SNTG1: variants seen among roughly 807,000 people sequenced by gnomAD.
SNTG1 encodes the protein gamma-1-syntrophin.
A neutral mutation model predicts 74.7 loss-of-function variants in SNTG1; 39 were observed. That is an observed-to-expected ratio of 0.52 (90% CI 0.40 to 0.68). The LOEUF (loss-of-function observed/expected upper bound fraction) is 0.68. Among genes scored for constraint, SNTG1 ranks in the 30% least tolerant of loss-of-function variants. SNTG1 has a pLI of 0.00. For missense variants in SNTG1, 685 were observed against 609.5 expected (o/e 1.12, Z -1.30); for synonymous variants, 254 against 217.1 (o/e 1.17, Z -1.49).
chr8:50,218,569 A>G (rs993879846), intron 2 of SNTG1, among the ~76,000 whole-genome samples: 6 of 151,932 alleles, frequency 3.9e-5, no homozygotes, highest in African/African-American at 7.3e-5. Flanking sequence ...TTTTTTCAGT[A>G]TAGTGAATGG....
rs1009613529 is a variant in SNTG1, at chr8:50,710,332, G to GT, written c.1284+1362dup. 2.4e-4 allele frequency among the ~76,000 whole-genome samples: 37 copies of GT among 151,814 alleles called. 1 individual carries two copies. The highest frequency in any genetic ancestry group is 7.0e-4 in the African/African-American group (29 of 41,416). ...GCCATAAACTATTCCTATTACTAAA[G>GT]TTTTTTTTATTAAAATGTTCATCAA... On this transcript the variant is annotated intron_variant, in intron 17 of 18. Coordinates refer to ENST00000642720, the MANE Select transcript of SNTG1 (RefSeq NM_018967.5).
chr8:50,009,354 C>T lies in SNTG1; in HGVS notation c.-103+97123C>T, dbSNP rs528719704. Among the ~76,000 whole-genome samples, 22 of 152,118 alleles carry T rather than the reference C, an allele frequency of 1.4e-4. 2 individuals are homozygous for T. Among genetic ancestry groups the T allele is most frequent in the African/African-American group, 4.3e-4 (18 of 41,504 alleles). On this transcript the variant is annotated intron_variant, in intron 1 of 18. Coordinates refer to ENST00000642720, the MANE Select transcript of SNTG1 (RefSeq NM_018967.5). ...GATTGTTATATAAGTACTACTCTTA[C>T]GGGAATTATTTGGGTAGACTGGACT...
intron 2 of SNTG1, among the ~76,000 whole-genome samples, chr8:50,214,138 C>T (rs1377779730): frequency 1.3e-5 from 2 of 150,934 alleles, no homozygotes; most frequent in African/African-American, 2.4e-5. Context: ...AATCATCATT[C>T]TCAGTAAACT....
chr8:50,457,201 T>C (rs568550473), intron 8 of SNTG1: 1 of 152,288 alleles, frequency 6.6e-6, no homozygotes, highest in East Asian at 1.9e-4. Flanking sequence ...TAGGTCTTTT[T>C]CAGGTAAAAT....
At chr8:50,749,213 A>G (rs954817890) in intron 17 of SNTG1, among the ~76,000 whole-genome samples, 2 of 151,534 alleles carry the variant, frequency 1.3e-5, no homozygotes, top group East Asian at 3.9e-4. Flanking sequence ...GATAGATCAA[A>G]CCAGCCACAA....
rs531528274 is a variant in SNTG1, at chr8:50,431,488, G to A, written c.163-7055G>A. ...GCTATTTATACTTATTGGTGATAAT[G>A]GATACAGGTAGTATAAATATCTGCA... On this transcript the variant is annotated intron_variant, in intron 4 of 18. Transcript: ENST00000642720. Among the ~76,000 whole-genome samples the A allele has an allele frequency of 2.5e-4, 38 of 152,238 alleles. 1 individual carries two copies. The East Asian group carries it at 3.3e-3, about 13-fold the overall frequency.
intron 13 of SNTG1, among the ~76,000 whole-genome samples, chr8:50,625,728 A>T (rs2094952217): frequency 6.6e-6 from 1 of 152,182 alleles, no homozygotes; most frequent in African/African-American, 2.4e-5. Flanking sequence ...TTGCTTTTAA[A>T]CTCCAATTCA....
At chr8:50,094,182 A>C (rs550082127) in intron 1 of SNTG1, among the ~76,000 whole-genome samples, 42 of 152,236 alleles carry the variant, frequency 2.8e-4, no homozygotes, top group African/African-American at 9.1e-4. Flanking sequence ...CAACACTTCA[A>C]GAGTGAACAG....
At chr8:50,203,748 ATGTGTGTGTGTGTTTC>A (rs1554604315) in intron 2 of SNTG1, among the ~76,000 whole-genome samples, 209 of 151,498 alleles carry the variant, frequency 1.4e-3, no homozygotes, top group Non-Finnish European at 1.4e-3. Context: ...AGAATTAAAT[ATGTGTGTGTGTGTTTC>A]TGTGTGTGTG....
At chr8:50,061,271 T>A (rs1434218179) in intron 1 of SNTG1, among the ~76,000 whole-genome samples, 1 of 152,080 alleles carries the variant, frequency 6.6e-6, no homozygotes, top group Admixed American at 6.5e-5. Context: ...TGATTGAGTT[T>A]TTACAGTTTG....
At position 50,330,011 on chromosome 8, in the gene SNTG1, C is replaced by T. The variant is rs115027286; in HGVS notation, c.-27-64201C>T. ...CATTTGCTCCAGTTCCCAAGAAGTT[C>T]CGCGTATCCATTTGAGACCACCTCA... On this transcript the variant is annotated intron_variant, in intron 2 of 18. Transcript: ENST00000642720. 9.2e-3 allele frequency among the ~76,000 whole-genome samples: 1,403 copies of T among 152,246 alleles called. 26 individuals are homozygous for T. The highest frequency in any genetic ancestry group is 0.032 in the African/African-American group (1,334 of 41,558).
chr8:50,017,995 C>G (rs1365414933), intron 1 of SNTG1, among the ~76,000 whole-genome samples: 1 of 151,756 alleles, frequency 6.6e-6, no homozygotes. Context: ...ATAAAAAATA[C>G]AAAAATTTGA....
chr8:50,206,919 C>A (rs1470204808), intron 2 of SNTG1, among the ~76,000 whole-genome samples: 2 of 152,148 alleles, frequency 1.3e-5, no homozygotes, highest in South Asian at 2.1e-4. Flanking sequence ...ATGAAGCCAA[C>A]TTGATTGTGA....
At chr8:50,304,351 C>A (rs371065390) in intron 2 of SNTG1, among the ~76,000 whole-genome samples, 1 of 152,184 alleles carries the variant, frequency 6.6e-6, no homozygotes. Flanking sequence ...TTATAAATCA[C>A]CCTGTTTGTA....
chr8:50,216,568 G>C (rs2084801702), intron 2 of SNTG1, among the ~76,000 whole-genome samples: 1 of 152,020 alleles, frequency 6.6e-6, no homozygotes. Context: ...AAATTACTTA[G>C]ACAAATTTGC....
intron 2 of SNTG1, among the ~76,000 whole-genome samples, chr8:50,352,246 C>G (rs1189699771): frequency 6.6e-6 from 1 of 152,132 alleles, no homozygotes; most frequent in Non-Finnish European, 1.5e-5. Context: ...AAGCAATTTT[C>G]AGAACAGAGT....
At chr8:50,624,814 A>G (rs2094946346) in intron 13 of SNTG1, among the ~76,000 whole-genome samples, 1 of 152,132 alleles carries the variant, frequency 6.6e-6, no homozygotes, top group South Asian at 2.1e-4. Context: ...GCTTTCTTGA[A>G]ATGACAAGAA....
chr8:49,959,203 G>A (rs921002029), intron 1 of SNTG1, among the ~76,000 whole-genome samples: 2 of 152,186 alleles, frequency 1.3e-5, no homozygotes, highest in African/African-American at 4.8e-5. Context: ...AAATGTACGG[G>A]TGCCAAGGGC....
intron 2 of SNTG1, among the ~76,000 whole-genome samples, chr8:50,245,370 G>T (rs77222810): frequency 0.015 from 2,354 of 152,162 alleles, 48 homozygotes; most frequent in African/African-American, 0.044. Context: ...TATGGAGGGA[G>T]GAGCAGAAAC....
Sources: allele counts gnomAD v4.1 joint callset (sites outside exome capture counted in the v4.1 genomes callset), GRCh38; gene constraint gnomAD v4.1.1; transcripts MANE v1.5; gene names NCBI Gene and HGNC (gene_info 2026-07-23, HGNC 2026-07-21).